CYP7B1: variants seen among roughly 807,000 people sequenced by gnomAD.
The protein encoded by CYP7B1 is cytochrome P450 family 7 subfamily B member 1, also known as cytochrome P450 7B1.
Under a neutral mutation model 42.7 loss-of-function variants are expected in CYP7B1, and 29 were observed. The observed-to-expected ratio is 0.68, with a 90% CI of 0.51 to 0.93. The LOEUF (loss-of-function observed/expected upper bound fraction) is 0.93. Ranked by LOEUF, CYP7B1 falls within the 40% of genes least tolerant of loss-of-function variation. The pLI, the probability that CYP7B1 is intolerant of heterozygous loss-of-function variation, is 0.00. For synonymous variants in CYP7B1, 235 were observed against 218.2 expected (o/e 1.08, Z -0.68); for missense variants, 655 against 600.5 (o/e 1.09, Z -0.95).
intron 1 of CYP7B1, among the ~76,000 whole-genome samples, chr8:64,694,749 G>A (rs1331815276): frequency 6.6e-6 from 1 of 152,196 alleles, no homozygotes; most frequent in South Asian, 2.1e-4. Context: ...AAAGGAAGTG[G>A]TCTGTCTCTG....
At chr8:64,733,056 AT>A (rs2129633118) in intron 1 of CYP7B1, 1 of 153,014 alleles carries the variant, frequency 6.5e-6, no homozygotes, top group East Asian at 1.9e-4. Flanking sequence ...TTCTTTCCAT[AT>A]TTGTATAAGA....
At chr8:64,673,168 GT>G (rs1806392861) in intron 1 of CYP7B1, among the ~76,000 whole-genome samples, 2 of 152,076 alleles carry the variant, frequency 1.3e-5, no homozygotes, top group Admixed American at 1.3e-4. Flanking sequence ...TGGGGGATGT[GT>G]CCTGTTGTGA....
intron 1 of CYP7B1, among the ~76,000 whole-genome samples, chr8:64,650,663 G>T (rs1806025468): frequency 1.3e-5 from 2 of 152,086 alleles, no homozygotes; most frequent in Non-Finnish European, 2.9e-5. Context: ...AACAAAAAAA[G>T]AAATATTTAA....
chr8:64,705,814 T>C (rs1806990616), intron 1 of CYP7B1, among the ~76,000 whole-genome samples: 1 of 152,070 alleles, frequency 6.6e-6, no homozygotes, highest in South Asian at 2.1e-4. Context: ...ATCTTTCTTT[T>C]CCAATTACAT....
At chr8:64,768,296 C>A (rs2129635072) in intron 1 of CYP7B1, among the ~76,000 whole-genome samples, 1 of 152,170 alleles carries the variant, frequency 6.6e-6, no homozygotes, top group South Asian at 2.1e-4. Flanking sequence ...GGAGGGGCAA[C>A]CCCCTCTGGG....
chr8:64,728,623 G>A (rs1447500076), intron 1 of CYP7B1, among the ~76,000 whole-genome samples: 2 of 152,152 alleles, frequency 1.3e-5, no homozygotes, highest in South Asian at 2.1e-4. Flanking sequence ...TATATTAAAT[G>A]TTCTGCAAAG....
At chr8:64,787,390 C>T (rs866127490) in intron 1 of CYP7B1, among the ~76,000 whole-genome samples, 5 of 152,304 alleles carry the variant, frequency 3.3e-5, no homozygotes, top group East Asian at 1.9e-4. Flanking sequence ...TCTCTGGGGC[C>T]GGGGCAAAAT....
chr8:64,650,374 G>C (rs781088655), intron 1 of CYP7B1, among the ~76,000 whole-genome samples: 1 of 152,094 alleles, frequency 6.6e-6, no homozygotes, highest in African/African-American at 2.4e-5. Flanking sequence ...TTGGCTGGGC[G>C]TGGTGGCTCA....
intron 1 of CYP7B1, among the ~76,000 whole-genome samples, chr8:64,641,185 C>A (rs899105534): frequency 1.3e-5 from 2 of 152,154 alleles, no homozygotes; most frequent in African/African-American, 4.8e-5. Context: ...ACAAAATGAG[C>A]CACTTGATAC....
At chr8:64,628,012 G>T (rs1226791053) in intron 1 of CYP7B1, among the ~76,000 whole-genome samples, 2 of 152,094 alleles carry the variant, frequency 1.3e-5, no homozygotes, top group Non-Finnish European at 2.9e-5. Context: ...ACTGCCCATG[G>T]CTGAGTAGGG....
downstream of CYP7B1, among the ~76,000 whole-genome samples, chr8:64,586,658 G>T (rs1040260152): frequency 6.6e-6 from 1 of 152,180 alleles, no homozygotes; most frequent in African/African-American, 2.4e-5. Context: ...CTACACAAAG[G>T]TGCCTTTAAA....
At chr8:64,624,112 A>G (rs2129630416) in intron 2 of CYP7B1, among the ~76,000 whole-genome samples, 1 of 152,066 alleles carries the variant, frequency 6.6e-6, no homozygotes, top group South Asian at 2.1e-4. Flanking sequence ...GTATAGTTAT[A>G]TATATATATT....
intron 1 of CYP7B1, among the ~76,000 whole-genome samples, chr8:64,671,554 A>G (rs1806368211): frequency 6.6e-6 from 1 of 152,146 alleles, no homozygotes. Context: ...CCTTAAAAGC[A>G]AAACCAAGTT....
chr8:64,645,512 G>A (rs997686894), intron 1 of CYP7B1, among the ~76,000 whole-genome samples: 1 of 151,902 alleles, frequency 6.6e-6, no homozygotes, highest in Non-Finnish European at 1.5e-5. Flanking sequence ...TGATGGCCAA[G>A]GAGAACTACA....
chr8:64,781,778 G>A (rs1804428196), intron 1 of CYP7B1, among the ~76,000 whole-genome samples: 1 of 152,152 alleles, frequency 6.6e-6, no homozygotes, highest in African/African-American at 2.4e-5. Flanking sequence ...CATAGGTTCT[G>A]AAGGTTAGAA....
downstream of CYP7B1, among the ~76,000 whole-genome samples, chr8:64,590,058 A>G (rs1329798776): frequency 6.6e-6 from 1 of 152,254 alleles, no homozygotes; most frequent in Non-Finnish European, 1.5e-5. Flanking sequence ...ATTATTATTC[A>G]CATGATCATT....
chr8:64,738,197 A>G (rs575159832), intron 1 of CYP7B1, among the ~76,000 whole-genome samples: 54 of 152,290 alleles, frequency 3.5e-4, no homozygotes, highest in African/African-American at 1.2e-3. Flanking sequence ...CTAACTCTGG[A>G]GTAATTAAAA....
intron 1 of CYP7B1, among the ~76,000 whole-genome samples, chr8:64,708,733 A>G (rs1393512387): frequency 6.6e-6 from 1 of 152,190 alleles, no homozygotes; most frequent in Non-Finnish European, 1.5e-5. Flanking sequence ...AGTGTATATA[A>G]TACACGCATT....
chr8:64,642,089 T>C (rs144471993), intron 1 of CYP7B1, among the ~76,000 whole-genome samples: 9 of 152,320 alleles, frequency 5.9e-5, no homozygotes, highest in Non-Finnish European at 1.0e-4. Context: ...TATGTGTTAA[T>C]ATATGTACTC....
Sources: gnomAD v4.1 joint callset for allele counts (sites outside exome capture counted in the v4.1 genomes callset) on GRCh38, gnomAD v4.1.1 for gene constraint, MANE v1.5 for transcripts, NCBI Gene and HGNC (gene_info 2026-07-23, HGNC 2026-07-21) for gene names.